Variants in KCNH6 observed in about 807,000 individuals in gnomAD.
KCNH6 encodes the protein voltage-gated inwardly rectifying potassium channel KCNH6.
In KCNH6, 81 loss-of-function variants were observed where a neutral mutation model predicts 83.4. The observed-to-expected ratio is 0.97, with a 90% CI of 0.81 to 1.17. The LOEUF (loss-of-function observed/expected upper bound fraction) is 1.17, where lower values mean the gene tolerates loss of function less well. Among genes scored for constraint, KCNH6 ranks in the 50% most tolerant of loss-of-function variants. The pLI is 0.00. For synonymous variants in KCNH6, 503 were observed against 545.6 expected (o/e 0.92, Z 1.09); for missense variants, 1,203 against 1,290.5 (o/e 0.93, Z 1.04).
chr17:63,530,544 T>C lies in KCNH6; in HGVS notation c.675+2T>C. On this transcript the variant is annotated splice_donor_variant, in intron 4 of 12. Coordinates refer to ENST00000314672, the MANE Select transcript of KCNH6 (RefSeq NM_001278919.2). LOFTEE classifies it high-confidence loss of function. Reference sequence around the variant, plus strand: ...AACGTCACTGAGAAGGTCACCCAGGTGCGGGCCTGCAGAGCAGGGTGTGCA... The same window carrying C: ...AACGTCACTGAGAAGGTCACCCAGGCGCGGGCCTGCAGAGCAGGGTGTGCA... 1 of 1,613,772 alleles carries C rather than the reference T, an allele frequency of 6.2e-7. No individual in the cohort carries two copies. Among genetic ancestry groups the C allele is most frequent in the Non-Finnish European group, 8.5e-7 (1 of 1,179,918 alleles).
chr17:63,546,759 G>A (rs1241764679), downstream of KCNH6: 2 of 152,280 alleles, frequency 1.3e-5, no homozygotes, highest in Non-Finnish European at 2.9e-5. Flanking sequence ...AGGTCATTAC[G>A]TCTTTGACTG....
rs115618532 is a variant in KCNH6, at chr17:63,539,883, T to C, written c.1954+1221T>C. 8.3e-3 allele frequency among the ~76,000 whole-genome samples: 1,271 copies of C among 152,254 alleles called. 17 individuals are homozygous for C. The highest frequency in any genetic ancestry group is 0.029 in the African/African-American group (1,215 of 41,548). ...ATCTGCCTCTTCTGCTCAAGATCCC[T>C]CCACAGTTCCCCATGGTCCATGCAT... On this transcript the variant is annotated intron_variant, in intron 8 of 12. Coordinates refer to ENST00000314672, the MANE Select transcript of KCNH6 (RefSeq NM_001278919.2).
chr17:63,537,703 C>T (rs1484978960), intron 6 of KCNH6, among the ~76,000 whole-genome samples: 2 of 152,216 alleles, frequency 1.3e-5, no homozygotes, highest in Non-Finnish European at 2.9e-5. Flanking sequence ...TCCCAAAGTG[C>T]TGGGATTACA....
At position 63,535,938 on chromosome 17, in the gene KCNH6, C is replaced by T. The variant is rs2032467290; in HGVS notation, c.1371C>T (p.Pro457=). 2 of 1,614,038 alleles carry T rather than the reference C, an allele frequency of 1.2e-6. No homozygotes were observed. Among genetic ancestry groups the T allele is most frequent in the Non-Finnish European group, 1.7e-6 (2 of 1,180,054 alleles). ...ACGGCAGCGACCCAGCCTCGGGCCC[C>T]TCGGTGCAGGACAAGTATGTCACAG... ...RYNGSDPASG[P]SVQDKYVTAL... Residue 457 remains proline, a synonymous_variant, in exon 6 of 13, where the codon CCC becomes CCT. Coordinates refer to ENST00000314672, the MANE Select transcript of KCNH6 (RefSeq NM_001278919.2). The surrounding 1 kb of genome is among the most constrained non-coding windows in gnomAD (Gnocchi z 4.9).
At chr17:63,526,390 CTTTTTTT>C (rs11316766) in intron 2 of KCNH6, among the ~76,000 whole-genome samples, 3 of 134,674 alleles carry the variant, frequency 2.2e-5, no homozygotes, top group Admixed American at 7.3e-5. Flanking sequence ...TCATATAATC[CTTTTTTT>C]TTTTTTTTTT....
At chr17:63,531,408 A>T (rs1282468174) in intron 4 of KCNH6, among the ~76,000 whole-genome samples, 2 of 152,250 alleles carry the variant, frequency 1.3e-5, no homozygotes, top group African/African-American at 4.8e-5. Flanking sequence ...CAGGAGGCAG[A>T]CAAAGCTGTA....
chr17:63,545,239 C>A lies in KCNH6; in HGVS notation c.2558C>A (p.Pro853His), dbSNP rs560000941. The A allele has an allele frequency of 3.1e-6, 5 of 1,613,596 alleles. No homozygotes were observed. The African/African-American group carries it at 6.7e-5, about 21-fold the overall frequency. The change falls in exon 12 of 13, where the codon CCC (proline) becomes CAC (histidine). Residue 853 changes from proline (P) to histidine (H), a missense_variant. Coordinates refer to ENST00000314672, the MANE Select transcript of KCNH6 (RefSeq NM_001278919.2). ...SETTSPGPRL[P>H]QGFLPPAQTP... ...ACGACGAGTCCAGGGCCCAGGCTGC[C>A]CCAGGGCTTTCTGCCTCCTGCACAG...
chr17:63,526,153 C>T (rs907324942), intron 2 of KCNH6, among the ~76,000 whole-genome samples: 2 of 152,162 alleles, frequency 1.3e-5, no homozygotes, highest in African/African-American at 4.8e-5. Context: ...GGGGCTGACC[C>T]TCGGTGAAAA....
At chr17:63,536,133 T>C in intron 6 of KCNH6, 65 bp downstream of exon 6, 10 of 1,428,362 alleles carry the variant, frequency 7.0e-6, no homozygotes, top group Non-Finnish European at 9.7e-6. Context: ...ATTTTATGTG[T>C]AGTTTTGTAC....
rs376044582 is a variant in KCNH6, at chr17:63,530,550, C to T, written c.675+8C>T. On this transcript the variant is annotated splice_region_variant and intron_variant, in intron 4 of 12. Transcript: ENST00000314672. ...ACTGAGAAGGTCACCCAGGTGCGGG[C>T]CTGCAGAGCAGGGTGTGCAGAGCTG... 2.7e-5 allele frequency: 44 copies of T among 1,613,504 alleles called. No individual in the cohort carries two copies. The African/African-American group carries it at 5.5e-4, about 20-fold the overall frequency.
chr17:63,545,341 C>T lies in KCNH6; in HGVS notation c.2583+77C>T, dbSNP rs142683215. The T allele has an allele frequency of 4.8e-6, 7 of 1,463,980 alleles. No homozygotes were observed. The East Asian group carries it at 1.1e-4, about 24-fold the overall frequency. The allele number at this position is 1,463,980 out of a possible 1,614,324, so 90.7% of individuals were successfully genotyped here. On this transcript the variant is annotated intron_variant, in intron 12 of 12. Coordinates refer to ENST00000314672, the MANE Select transcript of KCNH6 (RefSeq NM_001278919.2). ...TCCCTACCCTGACTTGTTCACAGTG[C>T]AGCATCAGGCCCAGAGCCTCTGTGG...
chr17:63,538,358 C>T lies in KCNH6; in HGVS notation c.1702-52C>T. 6.3e-7 allele frequency: 1 copy of T among 1,595,768 alleles called. No homozygotes were observed. The highest frequency in any genetic ancestry group is 8.5e-7 in the Non-Finnish European group (1 of 1,170,844). On this transcript the variant is annotated intron_variant, in intron 7 of 12. Transcript: ENST00000314672. The surrounding 1 kb of genome is among the most constrained non-coding windows in gnomAD (Gnocchi z 4.0). ...TCCCCAGAGCCCTCACCACCCTCTC[C>T]CCCAGCCCCACCCCGGCCGCGTCCC...
intron 2 of KCNH6, among the ~76,000 whole-genome samples, chr17:63,527,053 C>T (rs148242634): frequency 6.6e-6 from 1 of 152,260 alleles, no homozygotes; most frequent in East Asian, 1.9e-4. Context: ...CACGCCTGCC[C>T]CGCACTGGCA....
chr17:63,548,494 C>T (rs886680074), downstream of KCNH6, among the ~76,000 whole-genome samples: 5 of 152,112 alleles, frequency 3.3e-5, no homozygotes, highest in African/African-American at 1.2e-4. Flanking sequence ...GACCCTGCCT[C>T]AAAACGAATG....
intron 2 of KCNH6, among the ~76,000 whole-genome samples, chr17:63,527,135 C>G (rs1461112453): frequency 6.6e-6 from 1 of 152,168 alleles, no homozygotes; most frequent in Non-Finnish European, 1.5e-5. Flanking sequence ...CAGAGAGTCC[C>G]CTAATCCCCA....
intron 4 of KCNH6, among the ~76,000 whole-genome samples, chr17:63,531,053 G>A (rs894937299): frequency 1.3e-5 from 2 of 152,214 alleles, no homozygotes; most frequent in African/African-American, 2.4e-5. Context: ...AGGGCAGGAT[G>A]AGGCTGGCAC....
rs892538664 is a variant in KCNH6 at position 63,545,658 on chromosome 17, C to T, written c.2633C>T (p.Ser878Phe). The T allele has an allele frequency of 6.2e-7, 1 of 1,614,012 alleles. No homozygotes were observed. Among genetic ancestry groups the T allele is most frequent in the South Asian group, 1.1e-5 (1 of 91,082 alleles). The change falls in exon 13 of 13, where the codon TCC becomes TTC. Residue 878 changes from serine (S) to phenylalanine (F), a missense_variant. By Grantham distance (155) the Ser-to-Phe change is radical. Coordinates refer to ENST00000314672, the MANE Select transcript of KCNH6 (RefSeq NM_001278919.2). ...GACTGTAGTCCAAAGCACAGGAACTCCTCCCCCAGGATGCCTCACCTGGCT... is the reference window on the plus strand; with the variant it reads ...GACTGTAGTCCAAAGCACAGGAACTTCTCCCCCAGGATGCCTCACCTGGCT... ...LDDCSPKHRNSSPRMPHLAVA... is the reference protein window; with the variant it reads ...LDDCSPKHRNFSPRMPHLAVA...
intron 8 of KCNH6, among the ~76,000 whole-genome samples, chr17:63,541,722 G>A (rs1335220686): frequency 6.6e-6 from 1 of 152,160 alleles, no homozygotes; most frequent in East Asian, 1.9e-4. Context: ...TAGACAGGGG[G>A]AGTAACTTCC....
rs767511551 is a variant in KCNH6, at chr17:63,538,631, C to A, written c.1923C>A (p.Ile641=). The change falls in exon 8 of 13, where the codon ATC becomes ATA. Residue 641 remains isoleucine (I), a synonymous_variant. Transcript: ENST00000314672. The surrounding 1 kb of genome is among the most constrained non-coding windows in gnomAD (Gnocchi z 4.0). The part of the protein sequence containing the change: ...LYFISRGSIE[I]LRDDVVVAIL... Reference sequence around the variant, plus strand: ...TCATCTCCCGAGGCTCCATCGAGATCCTGCGCGACGACGTGGTCGTGGCCA... The same window carrying A: ...TCATCTCCCGAGGCTCCATCGAGATACTGCGCGACGACGTGGTCGTGGCCA... The A allele has an allele frequency of 1.0e-5, 16 of 1,602,274 alleles. No homozygotes were observed. The Admixed American group carries it at 2.5e-4, about 25-fold the overall frequency.
Sources: gnomAD v4.1 joint callset for allele counts (sites outside exome capture counted in the v4.1 genomes callset) on GRCh38, gnomAD v4.1.1 for gene constraint, Gnocchi (gnomAD v3.1) non-coding constraint, MANE v1.5 for transcripts, NCBI Gene and HGNC (gene_info 2026-07-23, HGNC 2026-07-21) for gene names.